RARB: variants seen among roughly 807,000 people sequenced by gnomAD.
RARB encodes HBV-activated protein.
In RARB, 17 loss-of-function variants were observed where a neutral mutation model predicts 51.9. The ratio of observed to expected loss-of-function variants is 0.33; its 90% CI spans 0.22 to 0.49. The LOEUF is 0.49. Ranked by LOEUF, RARB falls within the 20% of genes least tolerant of loss-of-function variation. The pLI, the probability that RARB is intolerant of heterozygous loss-of-function variation, is 0.99. For synonymous variants in RARB, 215 were observed against 195.4 expected, an observed-to-expected ratio of 1.10 and a Z score of -0.84; for missense variants, 369 against 550.8, an observed-to-expected ratio of 0.67 and a Z score of 3.30.
chr3:25,084,514 A>G (rs929413611), intron 3 of RARB, among the ~76,000 whole-genome samples: 15 of 138,886 alleles, frequency 1.1e-4, no homozygotes, highest in African/African-American at 4.1e-4. Flanking sequence ...GATATCATCA[A>G]TACGTATTGG....
chr3:25,216,911 C>T (rs568298063), intron 5 of RARB, among the ~76,000 whole-genome samples: 1 of 152,066 alleles, frequency 6.6e-6, no homozygotes, highest in Non-Finnish European at 1.5e-5. Context: ...CATTCCCACA[C>T]TGTAGAGTCC....
chr3:24,995,414 G>C (rs1430681669), intron 2 of RARB, among the ~76,000 whole-genome samples: 4 of 151,960 alleles, frequency 2.6e-5, no homozygotes, highest in Non-Finnish European at 4.4e-5. Context: ...CATCTGCAAA[G>C]AATACTAATT....
chr3:25,034,981 T>C (rs1348364710), intron 2 of RARB, among the ~76,000 whole-genome samples: 2 of 152,254 alleles, frequency 1.3e-5, no homozygotes, highest in East Asian at 3.8e-4. Flanking sequence ...ACACGAAGGC[T>C]GCACATGCCT....
At chr3:25,550,552 G>A (rs771691581) in intron 3 of RARB, among the ~76,000 whole-genome samples, 10 of 152,184 alleles carry the variant, frequency 6.6e-5, no homozygotes, top group East Asian at 5.8e-4. Flanking sequence ...TCATGACTAC[G>A]TCACCTCCCA....
intron 5 of RARB, among the ~76,000 whole-genome samples, chr3:25,326,808 T>G (rs900264483): frequency 4.7e-5 from 7 of 147,768 alleles, no homozygotes; most frequent in Non-Finnish European, 8.9e-5. Context: ...TCACAAAATG[T>G]AGGATAAAAA....
chr3:25,596,863 TA>T lies in RARB; in HGVS notation c.*248del. The T allele has an allele frequency of 2.8e-6, 1 of 352,118 alleles. No homozygotes were observed. The allele number at this position is 352,118 out of a possible 1,614,324, so 21.8% of individuals were successfully genotyped here. ...CAACCAGAAACTAGTTAAAAGCTTC[TA>T]TTTTCCTCTTTGAACACTCAAGATT... On this transcript the variant is annotated 3_prime_UTR_variant, in exon 8 of 8. Transcript: ENST00000330688.
chr3:25,231,827 A>G (rs534632606), intron 5 of RARB, among the ~76,000 whole-genome samples: 1 of 152,298 alleles, frequency 6.6e-6, no homozygotes, highest in East Asian at 1.9e-4. Context: ...TTTCAGAGAT[A>G]AAACTTGCAA....
chr3:25,083,538 CATT>C (rs1393066840), intron 3 of RARB, among the ~76,000 whole-genome samples: 6 of 152,190 alleles, frequency 3.9e-5, no homozygotes, highest in Middle Eastern at 3.4e-3. Context: ...TTTGTTAACT[CATT>C]ATGTCCATCT....
intron 2 of RARB, among the ~76,000 whole-genome samples, chr3:24,982,712 A>G (rs1247278894): frequency 2.6e-5 from 4 of 152,116 alleles, no homozygotes; most frequent in African/African-American, 7.2e-5. Flanking sequence ...CCTAGCTCCA[A>G]CTTCTCCTCT....
chr3:25,201,281 A>G (rs528883628), intron 5 of RARB, among the ~76,000 whole-genome samples: 37 of 152,186 alleles, frequency 2.4e-4, no homozygotes, highest in African/African-American at 8.9e-4. Context: ...CATTGATTTT[A>G]TATCCTGAGA....
intron 2 of RARB, among the ~76,000 whole-genome samples, chr3:24,894,072 T>C (rs1703435775): frequency 6.6e-6 from 1 of 152,194 alleles, no homozygotes; most frequent in Non-Finnish European, 1.5e-5. Flanking sequence ...TTCCTATACA[T>C]TTTTAGTCTT....
chr3:25,433,195 A>G (rs1708278200), intron 1 of RARB, among the ~76,000 whole-genome samples: 1 of 152,208 alleles, frequency 6.6e-6, no homozygotes, highest in South Asian at 2.1e-4. Flanking sequence ...ACAATCATGT[A>G]TCTCTGATTT....
intron 2 of RARB, among the ~76,000 whole-genome samples, chr3:24,871,099 AG>A (rs1448251038): frequency 6.6e-6 from 1 of 152,074 alleles, no homozygotes; most frequent in Non-Finnish European, 1.5e-5. Flanking sequence ...TTTAATTATT[AG>A]TACACTTTTT....
intron 5 of RARB, among the ~76,000 whole-genome samples, chr3:25,227,538 T>C (rs977115443): frequency 4.6e-5 from 7 of 152,168 alleles, no homozygotes; most frequent in Non-Finnish European, 1.0e-4. Context: ...ATAAAATTCC[T>C]CTAGAAAGTA....
chr3:24,868,688 C>G (rs1702894377), intron 2 of RARB, among the ~76,000 whole-genome samples: 1 of 152,190 alleles, frequency 6.6e-6, no homozygotes, highest in African/African-American at 2.4e-5. Context: ...TCTATTCTCT[C>G]TGAAGCCTGC....
At chr3:24,843,661 G>A (rs911883777) in intron 1 of RARB, among the ~76,000 whole-genome samples, 8 of 152,066 alleles carry the variant, frequency 5.3e-5, no homozygotes, top group African/African-American at 9.7e-5. Context: ...TATGGTCCCC[G>A]ATGAGCAGCA....
At chr3:25,043,056 GCAGGGGAGCGACCGT>G (rs979690162) in intron 2 of RARB, among the ~76,000 whole-genome samples, 1 of 152,218 alleles carries the variant, frequency 6.6e-6, no homozygotes, top group Non-Finnish European at 1.5e-5. Context: ...ATGGCGTGAG[GCAGGGGAGCGACCGT>G]CAGAGGGTGT....
chr3:25,151,268 C>G (rs1405388368), intron 4 of RARB, among the ~76,000 whole-genome samples: 2 of 151,924 alleles, frequency 1.3e-5, no homozygotes, highest in Non-Finnish European at 2.9e-5. Flanking sequence ...TCATCCTGCA[C>G]AATTATTTGG....
At chr3:25,303,450 T>A (rs1332665906) in intron 5 of RARB, among the ~76,000 whole-genome samples, 1 of 152,190 alleles carries the variant, frequency 6.6e-6, no homozygotes, top group East Asian at 1.9e-4. Context: ...ATTAATTTTT[T>A]TGAGCTGGTG....
Sources: allele counts gnomAD v4.1 joint callset (sites outside exome capture counted in the v4.1 genomes callset), GRCh38; gene constraint gnomAD v4.1.1; transcripts MANE v1.5; gene names NCBI Gene and HGNC (gene_info 2026-07-23, HGNC 2026-07-21).